Variants in LRRN1 observed in about 807,000 individuals in gnomAD.
LRRN1 encodes leucine rich repeat neuronal 1.
LRRN1 carries 14 observed loss-of-function variants against 45.8 expected under a neutral mutation model. The ratio of observed to expected loss-of-function variants is 0.31; its 90% confidence interval spans 0.20 to 0.48. The LOEUF (loss-of-function observed/expected upper bound fraction) is 0.48. LRRN1 is among the 20% of genes least tolerant of loss of function. The pLI is 0.99. For missense variants in LRRN1, 789 were observed against 874.2 expected (o/e 0.90, Z 1.23); for synonymous variants, 359 against 330.1 (o/e 1.09, Z -0.95).
In LRRN1 at chr3:3,844,875, C is replaced by A. The variant is rs201835286; in HGVS notation, c.234C>A (p.Leu78=). 21 of 1,614,170 alleles carry A rather than the reference C, an allele frequency of 1.3e-5. No individual in the cohort carries two copies. In the East Asian group the frequency reaches 4.7e-4, roughly 36 times the overall value. ...TCTCTAGTGACACACAAGTGCTTCTCTTACAGAGCAATAACATCGCAAAGA... is the reference window on the plus strand; with the variant it reads ...TCTCTAGTGACACACAAGTGCTTCTATTACAGAGCAATAACATCGCAAAGA... The part of the protein sequence containing the change: ...SNLSSDTQVL[L]LQSNNIAKTV... Residue 78 remains leucine (L), a synonymous_variant, in exon 2 of 2, where the codon CTC becomes CTA. Transcript: ENST00000319331.
intron 1 of LRRN1, among the ~76,000 whole-genome samples, chr3:3,807,078 A>T (rs1411477905): frequency 6.6e-6 from 1 of 152,194 alleles, no homozygotes; most frequent in East Asian, 1.9e-4. Flanking sequence ...TGGGTTACCG[A>T]AGAAAGCAAG....
At chr3:3,844,075 T>G (rs1324861518) in intron 1 of LRRN1, among the ~76,000 whole-genome samples, 1 of 152,122 alleles carries the variant, frequency 6.6e-6, no homozygotes, top group Admixed American at 6.6e-5. Flanking sequence ...GTTTAGTGAC[T>G]TTACATGTGT....
intron 1 of LRRN1, among the ~76,000 whole-genome samples, chr3:3,811,539 T>C (rs1209268377): frequency 6.6e-6 from 1 of 152,250 alleles, no homozygotes; most frequent in African/African-American, 2.4e-5. Context: ...AAATAATTTG[T>C]ACAAAGTTAT....
At position 3,847,012 on chromosome 3, in the gene LRRN1, ATTC is replaced by A; in HGVS notation, c.*223_*225del. The A allele has an allele frequency of 2.5e-6, 1 of 403,540 alleles. No individual in the cohort carries two copies. Among genetic ancestry groups the A allele is most frequent in the South Asian group, 7.1e-5 (1 of 14,130 alleles). 25.0% of individuals were successfully genotyped at this position (403,540 alleles called of 1,614,324 possible). On this transcript the variant is annotated 3_prime_UTR_variant, in exon 2 of 2. Coordinates refer to ENST00000319331, the MANE Select transcript of LRRN1 (RefSeq NM_020873.7). The stretch of plus-strand genomic sequence containing the variant: ...GGCTTCCAGTCTGTGTTTGGTTTTT[ATTC>A]TTATCATTATTATGATTGTTATTAT...
intron 1 of LRRN1, among the ~76,000 whole-genome samples, chr3:3,835,435 CA>C (rs1693487585): frequency 6.6e-6 from 1 of 151,972 alleles, no homozygotes; most frequent in Admixed American, 6.6e-5. Flanking sequence ...TTTGTAAAGT[CA>C]AAAAATTGTA....
intron 1 of LRRN1, among the ~76,000 whole-genome samples, chr3:3,802,258 C>G (rs1334372260): frequency 6.6e-6 from 1 of 152,166 alleles, no homozygotes; most frequent in East Asian, 1.9e-4. Context: ...TGGCGTTGTG[C>G]GACAGCTGAA....
chr3:3,832,952 A>G (rs1693401648), intron 1 of LRRN1, among the ~76,000 whole-genome samples: 1 of 152,206 alleles, frequency 6.6e-6, no homozygotes, highest in Admixed American at 6.5e-5. Context: ...GCTGTCCATT[A>G]CAGTAGCTAT....
At chr3:3,810,255 T>G (rs1448670500) in intron 1 of LRRN1, among the ~76,000 whole-genome samples, 1 of 152,166 alleles carries the variant, frequency 6.6e-6, no homozygotes, top group African/African-American at 2.4e-5. Flanking sequence ...TTCAGAGATA[T>G]CATTCCACCA....
chr3:3,845,406 T>A lies in LRRN1; in HGVS notation c.765T>A (p.Pro255=). 1 of 1,614,126 alleles carries A rather than the reference T, an allele frequency of 6.2e-7. No individual in the cohort carries two copies. The highest frequency in any genetic ancestry group is 8.5e-7 in the Non-Finnish European group (1 of 1,180,012). The change falls in exon 2 of 2, where the codon CCT becomes CCA. Residue 255 remains proline, a synonymous_variant. Transcript: ENST00000319331. The surrounding 1 kb of genome is among the most constrained non-coding windows in gnomAD (Gnocchi z 6.5). ...SFYDNKLVKV[P]QLALQKVPNL... is the part of the protein sequence containing the mutation. Reference sequence around the variant, plus strand: ...ATGATAACAAACTGGTTAAAGTCCCTCAACTTGCCCTGCAAAAAGTTCCAA... The same window carrying A: ...ATGATAACAAACTGGTTAAAGTCCCACAACTTGCCCTGCAAAAAGTTCCAA...
intron 1 of LRRN1, among the ~76,000 whole-genome samples, chr3:3,831,065 G>T (rs1378968231): frequency 6.6e-6 from 1 of 152,196 alleles, no homozygotes; most frequent in East Asian, 1.9e-4. Flanking sequence ...TATGGCCCAA[G>T]TGGCAGAGCA....
At chr3:3,805,432 G>A (rs921373721) in intron 1 of LRRN1, among the ~76,000 whole-genome samples, 2 of 152,176 alleles carry the variant, frequency 1.3e-5, no homozygotes, top group African/African-American at 2.4e-5. Context: ...TCAGGAAGGC[G>A]CAGGCTCAAT....
intron 1 of LRRN1, among the ~76,000 whole-genome samples, chr3:3,834,425 CA>C (rs1358735614): frequency 3.4e-5 from 5 of 148,128 alleles, no homozygotes; most frequent in African/African-American, 1.2e-4. Context: ...CCAGAAACCC[CA>C]AAACCAATGA....
intron 1 of LRRN1, among the ~76,000 whole-genome samples, chr3:3,828,542 A>T (rs759501217): frequency 3.3e-5 from 5 of 152,102 alleles, no homozygotes; most frequent in Non-Finnish European, 7.4e-5. Flanking sequence ...AATCAAGTTG[A>T]CAGTATTAAC....
chr3:3,834,525 G>GATATATATATATATATATATATCATAT (rs1693447441), intron 1 of LRRN1, among the ~76,000 whole-genome samples: 1 of 27,310 alleles, frequency 3.7e-5, no homozygotes, highest in Non-Finnish European at 9.9e-5. Flanking sequence ...GACAGAACAG[G>GATATATATATATATATATATATCATAT]ATATATATAT....
intron 1 of LRRN1, among the ~76,000 whole-genome samples, chr3:3,843,573 C>A (rs545877430): frequency 1.3e-5 from 2 of 151,560 alleles, no homozygotes; most frequent in East Asian, 1.9e-4. Flanking sequence ...CACTGTACCC[C>A]CCCCCATACC....
chr3:3,805,516 C>CT (rs754557513), intron 1 of LRRN1, among the ~76,000 whole-genome samples: 2 of 152,182 alleles, frequency 1.3e-5, no homozygotes, highest in Non-Finnish European at 2.9e-5. Flanking sequence ...CTTCATGGCT[C>CT]TATCAGAGTT....
chr3:3,848,895 T>G lies in LRRN1; in HGVS notation c.*2103T>G, dbSNP rs1170085310. Among the ~76,000 whole-genome samples, 1 of 152,156 alleles carries G rather than the reference T, an allele frequency of 6.6e-6. No individual in the cohort carries two copies. Among genetic ancestry groups the G allele is most frequent in the African/African-American group, 2.4e-5 (1 of 41,450 alleles). ...ATGCAGTACATCCTCAAGTTCCCAT[T>G]TACTCAGGATACATTTTAGCACAGG... On this transcript the variant is annotated 3_prime_UTR_variant, in exon 2 of 2. Coordinates refer to ENST00000319331, the MANE Select transcript of LRRN1 (RefSeq NM_020873.7).
At chr3:3,813,880 A>G (rs556886201) in intron 1 of LRRN1, among the ~76,000 whole-genome samples, 6 of 152,008 alleles carry the variant, frequency 3.9e-5, no homozygotes, top group African/African-American at 1.4e-4. Context: ...CCCTCTTCTA[A>G]TCATTCAAAT....
chr3:3,819,067 C>T (rs912129061), intron 1 of LRRN1, among the ~76,000 whole-genome samples: 4 of 151,920 alleles, frequency 2.6e-5, no homozygotes, highest in African/African-American at 7.2e-5. Flanking sequence ...GATCACAGCT[C>T]ACTTGCAGCC....
Sources: allele counts gnomAD v4.1 joint callset (sites outside exome capture counted in the v4.1 genomes callset), GRCh38; gene constraint gnomAD v4.1.1; non-coding constraint Gnocchi (gnomAD v3.1); transcripts MANE v1.5; gene names NCBI Gene and HGNC (gene_info 2026-07-23, HGNC 2026-07-21).